The following RABGAP1L variants were observed in gnomAD, a reference collection of about 807,000 sequenced individuals.
RABGAP1L encodes the protein rab GTPase-activating protein 1-like.
Under a neutral mutation model 137.7 loss-of-function variants are expected in RABGAP1L, and 63 were observed. The observed-to-expected ratio is 0.46, with a 90% confidence interval of 0.37 to 0.56. RABGAP1L has a LOEUF of 0.56. Among genes scored for constraint, RABGAP1L ranks in the 20% least tolerant of loss-of-function variants. The pLI, the probability that RABGAP1L is intolerant of heterozygous loss-of-function variation, is 0.00. For synonymous variants in RABGAP1L, 431 were observed against 433.7 expected, an observed-to-expected ratio of 0.99 and a Z score of 0.08; for missense variants, 1,095 against 1,244.0, an observed-to-expected ratio of 0.88 and a Z score of 1.80.
intron 11 of RABGAP1L, among the ~76,000 whole-genome samples, chr1:174,325,919 A>G (rs984900013): frequency 6.6e-6 from 1 of 152,246 alleles, no homozygotes; most frequent in African/African-American, 2.4e-5. Context: ...TGGCTCTCCC[A>G]CATGGCCTAG....
intron 13 of RABGAP1L, among the ~76,000 whole-genome samples, chr1:174,432,359 T>C (rs1269176477): frequency 6.6e-6 from 1 of 152,150 alleles, no homozygotes; most frequent in African/African-American, 2.4e-5. Flanking sequence ...TCTGCTAGCA[T>C]AAAACATAAT....
intron 13 of RABGAP1L, among the ~76,000 whole-genome samples, chr1:174,570,122 A>T (rs1013363558): frequency 6.6e-6 from 1 of 152,206 alleles, no homozygotes; most frequent in Non-Finnish European, 1.5e-5. Flanking sequence ...TTGAAATTAT[A>T]CCAGTTGACC....
chr1:174,337,988 T>A (rs1198598382), intron 11 of RABGAP1L, among the ~76,000 whole-genome samples: 1 of 152,182 alleles, frequency 6.6e-6, no homozygotes, highest in Non-Finnish European at 1.5e-5. Context: ...TTGAGTTGCG[T>A]TTGACTCAAA....
At chr1:174,899,074 T>C (rs369969491) in intron 19 of RABGAP1L, among the ~76,000 whole-genome samples, 5 of 152,216 alleles carry the variant, frequency 3.3e-5, no homozygotes, top group African/African-American at 1.2e-4. Flanking sequence ...ATGTGAAGAA[T>C]GAGTAGGATT....
Position 174,978,881 on chromosome 1 carries a change from G to A in RABGAP1L, c.2724G>A (p.Glu908=), listed in dbSNP as rs1463723378. Residue 908 remains glutamate, a synonymous_variant, in exon 23 of 26, where the codon GAG becomes GAA. Transcript: ENST00000681986. ...EIKKTTAIIA[E]YKQICSQLST... ...AGAAGACTACAGCTATCATTGCTGA[G>A]TATAAACAGGTAATGTACTTCTGTG... 1.3e-6 allele frequency: 2 copies of A among 1,528,624 alleles called. No homozygotes were observed. The highest frequency in any genetic ancestry group is 4.3e-5 in the Admixed American group (2 of 46,742). 94.7% of individuals were successfully genotyped at this position (1,528,624 alleles called of 1,614,324 possible).
chr1:174,728,329 A>G (rs1682166695), intron 17 of RABGAP1L, among the ~76,000 whole-genome samples: 1 of 152,176 alleles, frequency 6.6e-6, no homozygotes, highest in African/African-American at 2.4e-5. Context: ...ATACACCAGT[A>G]ATGTTCAAGC....
At chr1:174,986,039 A>G (rs1199615893) in intron 24 of RABGAP1L, among the ~76,000 whole-genome samples, 1 of 152,022 alleles carries the variant, frequency 6.6e-6, no homozygotes, top group Non-Finnish European at 1.5e-5. Flanking sequence ...CCCAAATTCA[A>G]GCTATTCTCC....
At chr1:174,800,124 T>G in intron 18 of RABGAP1L, 1 of 1,374,002 alleles carries the variant, frequency 7.3e-7, no homozygotes, top group Non-Finnish European at 9.4e-7. Context: ...CTTGATTTCA[T>G]TTTCATTTTC....
chr1:174,923,912 G>A (rs12083837), intron 19 of RABGAP1L, among the ~76,000 whole-genome samples: 88,836 of 150,390 alleles, frequency 0.59, 29,150 homozygotes, highest in African/African-American at 0.9. Context: ...AGAAAAAGTC[G>A]GTTTGTTTAA....
At chr1:174,864,924 C>T (rs1190378470) in intron 19 of RABGAP1L, among the ~76,000 whole-genome samples, 4 of 152,110 alleles carry the variant, frequency 2.6e-5, no homozygotes, top group African/African-American at 9.7e-5. Flanking sequence ...TGAGACCAGC[C>T]CGGACAACAT....
chr1:174,276,027 C>CA (rs1674969545), intron 9 of RABGAP1L, 92 bp downstream of exon 9: 5 of 878,598 alleles, frequency 5.7e-6, no homozygotes, highest in Non-Finnish European at 6.8e-6. Flanking sequence ...ATTTGGAACT[C>CA]AAAGTGGACT....
chr1:174,765,231 A>G (rs1685573481), intron 18 of RABGAP1L, among the ~76,000 whole-genome samples: 1 of 152,146 alleles, frequency 6.6e-6, no homozygotes, highest in South Asian at 2.1e-4. Context: ...ATGAAGTGAC[A>G]TCTTGTTATG....
chr1:174,282,290 C>T (rs186017415), intron 10 of RABGAP1L, among the ~76,000 whole-genome samples: 22 of 152,306 alleles, frequency 1.4e-4, no homozygotes, highest in Admixed American at 7.8e-4. Flanking sequence ...CTCATCCTTG[C>T]CAGCACTTAG....
At position 174,272,467 on chromosome 1, in the gene RABGAP1L, A is replaced by G. The variant is rs1674637037; in HGVS notation, c.1040A>G (p.His347Arg). The stretch of plus-strand genomic sequence containing the variant: ...CGAAACGTGAAGAACAGTGACATGC[A>G]TTTACTGGATATGGTAATGATAATC... ...PGRNVKNSDM[H>R]LLDMESMGKS... The change falls in exon 8 of 26, where the codon CAT becomes CGT. Residue 347 changes from histidine (H) to arginine (R), a missense_variant. Coordinates refer to ENST00000681986, the MANE Select transcript of RABGAP1L (RefSeq NM_001366446.1). 6.3e-7 allele frequency: 1 copy of G among 1,595,788 alleles called. No homozygotes were observed. Among genetic ancestry groups the G allele is most frequent in the Non-Finnish European group, 8.5e-7 (1 of 1,173,182 alleles).
In RABGAP1L at chr1:174,448,140, G is replaced by A. The variant is rs1655002957; in HGVS notation, c.1710+53995G>A. The A allele has an allele frequency of 6.2e-7, 1 of 1,612,988 alleles. No homozygotes were observed. The highest frequency in any genetic ancestry group is 8.5e-7 in the Non-Finnish European group (1 of 1,179,178). On this transcript the variant is annotated intron_variant, in intron 13 of 25. Coordinates refer to ENST00000681986, the MANE Select transcript of RABGAP1L (RefSeq NM_001366446.1). This position sits in a 1 kb window ranked among gnomAD's most constrained non-coding sequence, Gnocchi z 4.2. ...AATGAATCCAGGTGGACTGAATGGA[G>A]GATCCTGAACATGAGCAGTGGCATT...
At chr1:174,718,836 C>A (rs1681236067) in intron 17 of RABGAP1L, among the ~76,000 whole-genome samples, 1 of 102,384 alleles carries the variant, frequency 9.8e-6, no homozygotes, top group African/African-American at 2.9e-5. Flanking sequence ...CTTTTCTTTT[C>A]CTTTTTTTTT....
At chr1:174,314,113 A>G (rs541899697) in intron 11 of RABGAP1L, among the ~76,000 whole-genome samples, 8 of 152,202 alleles carry the variant, frequency 5.3e-5, no homozygotes, top group African/African-American at 1.9e-4. Flanking sequence ...TGTTTGATAG[A>G]ATTCAACAGT....
intron 11 of RABGAP1L, among the ~76,000 whole-genome samples, chr1:174,355,790 T>C (rs1001440115): frequency 6.6e-6 from 1 of 152,200 alleles, no homozygotes; most frequent in Non-Finnish European, 1.5e-5. Context: ...AATTAAAAAC[T>C]TGTTATTAGA....
At chr1:174,828,731 C>T (rs1245588248) in intron 19 of RABGAP1L, among the ~76,000 whole-genome samples, 1 of 148,230 alleles carries the variant, frequency 6.7e-6, no homozygotes, top group African/African-American at 2.5e-5. Context: ...CTCCTATTTA[C>T]CCTTTAGGTT....
Sources: gnomAD v4.1 joint callset for allele counts (sites outside exome capture counted in the v4.1 genomes callset) on GRCh38, gnomAD v4.1.1 for gene constraint, Gnocchi (gnomAD v3.1) non-coding constraint, MANE v1.5 for transcripts, NCBI Gene and HGNC (gene_info 2026-07-23, HGNC 2026-07-21) for gene names.